Variants in OPN3 observed in about 807,000 individuals in gnomAD.
OPN3 encodes opsin-3.
OPN3 carries 29 observed loss-of-function variants against 33.8 expected under a neutral mutation model. That is an observed-to-expected ratio of 0.86 (90% CI 0.64 to 1.17). The LOEUF (loss-of-function observed/expected upper bound fraction) is 1.17, where lower values mean the gene tolerates loss of function less well. OPN3 is among the 50% of genes most tolerant of loss of function. The pLI, the probability that OPN3 is intolerant of heterozygous loss-of-function variation, is 0.00. For missense variants in OPN3, 437 were observed against 514.1 expected (o/e 0.85, Z 1.45); for synonymous variants, 216 against 216.1 (o/e 1.00, Z 0.00).
intron 1 of OPN3, chr1:241,615,807 A>G: frequency 2.2e-6 from 1 of 455,970 alleles, no homozygotes; most frequent in Non-Finnish European, 4.4e-6. Flanking sequence ...CTCTATGACT[A>G]TAGTTACAAA....
intron 1 of OPN3, among the ~76,000 whole-genome samples, chr1:241,615,308 A>T (rs913646536): frequency 1.3e-5 from 2 of 152,118 alleles, no homozygotes; most frequent in Admixed American, 1.3e-4. Context: ...AAAAGTGTGA[A>T]GTGTGGTACC....
At chr1:241,605,407 G>A (rs1009024667) in intron 1 of OPN3, among the ~76,000 whole-genome samples, 2 of 152,238 alleles carry the variant, frequency 1.3e-5, no homozygotes, top group Non-Finnish European at 2.9e-5. Context: ...AAGGATTGCT[G>A]ACAGGGGTCA....
chr1:241,619,663 A>T (rs1365210987), intron 1 of OPN3, among the ~76,000 whole-genome samples: 1 of 152,232 alleles, frequency 6.6e-6, no homozygotes, highest in Non-Finnish European at 1.5e-5. Context: ...CCCATCACGA[A>T]GTGAGAAGCT....
At chr1:241,632,545 C>T (rs1664682542) in intron 1 of OPN3, 1 of 152,076 alleles carries the variant, frequency 6.6e-6, no homozygotes, top group African/African-American at 2.4e-5. Flanking sequence ...CTTCTGACAG[C>T]TCCACAGGTT....
In OPN3 at chr1:241,633,931, A is replaced by G. The variant is rs1341038553; in HGVS notation, c.373+5951T>C. The G allele has an allele frequency of 3.1e-6, 5 of 1,613,622 alleles. No individual in the cohort carries two copies. In the Admixed American group the frequency reaches 8.3e-5, roughly 27 times the overall value. On this transcript the variant is annotated intron_variant, in intron 1 of 3. Transcript: ENST00000366554. ...CACCATCAAAGATAATGTCTTCTGG[A>G]TTTGGAGGTGGAGGGCAGAATTCTT...
chr1:241,635,850 T>A, intron 1 of OPN3: 1 of 1,359,914 alleles, frequency 7.4e-7, no homozygotes, highest in Non-Finnish European at 1.0e-6. Context: ...GTCCTTCTGA[T>A]GTTCCAGTTA....
At chr1:241,639,755 G>T in intron 1 of OPN3, 127 bp downstream of exon 1, 1 of 986,116 alleles carries the variant, frequency 1.0e-6, no homozygotes, top group Non-Finnish European at 1.4e-6. Flanking sequence ...GGCGGTGTAG[G>T]GCGGGGGGCG....
intron 1 of OPN3, among the ~76,000 whole-genome samples, chr1:241,613,751 T>C (rs1664054771): frequency 6.6e-6 from 1 of 152,198 alleles, no homozygotes; most frequent in South Asian, 2.1e-4. Context: ...CACATCAGGA[T>C]GTGGAAACTG....
intron 3 of OPN3, 177 bp from the exon 4 acceptor site, chr1:241,594,868 T>A: frequency 1.6e-6 from 1 of 635,578 alleles, no homozygotes; most frequent in Non-Finnish European, 2.7e-6. Context: ...GCTTTATGTC[T>A]TTTATTCATT....
intron 1 of OPN3, chr1:241,631,745 T>C (rs1434927429): frequency 1.3e-5 from 2 of 152,154 alleles, no homozygotes; most frequent in Admixed American, 6.5e-5. Context: ...CTCTAAAATA[T>C]GTTTGTTTAG....
chr1:241,631,397 T>C (rs1664627594), intron 1 of OPN3: 1 of 152,116 alleles, frequency 6.6e-6, no homozygotes, highest in African/African-American at 2.4e-5. Flanking sequence ...ATTTTATTTA[T>C]CATCTTATGT....
At chr1:241,618,406 C>T (rs1263456049) in intron 1 of OPN3, among the ~76,000 whole-genome samples, 1 of 152,184 alleles carries the variant, frequency 6.6e-6, no homozygotes, top group Non-Finnish European at 1.5e-5. Flanking sequence ...TCAAAGTTAC[C>T]ACTGATGATC....
In OPN3 at chr1:241,640,131, C is replaced by A; in HGVS notation, c.124G>T (p.Glu42Ter). The change falls in exon 1 of 4, where the codon GAG becomes TAG. Residue 42 changes from glutamate (E) to a stop codon, truncating the protein, a stop_gained. Transcript: ENST00000366554. LOFTEE classifies it high-confidence loss of function. ...PAPLFSPGTY[E>*]RLALLLGSIG... ...GAGCCCAGCAGCAGCGCCAGGCGCT[C>A]GTAGGTGCCGGGGCTGAAGAGGGGC... 6.3e-7 allele frequency: 1 copy of A among 1,591,124 alleles called. No homozygotes were observed.
chr1:241,601,613 G>A (rs1663679445), intron 2 of OPN3, among the ~76,000 whole-genome samples: 1 of 152,160 alleles, frequency 6.6e-6, no homozygotes, highest in Admixed American at 6.5e-5. Flanking sequence ...GGCTGAGGCA[G>A]GAGAATTGCT....
Position 241,604,484 on chromosome 1 carries a change from C to T in OPN3, c.469G>A (p.Ala157Thr), listed in dbSNP as rs1440068073. 5.6e-6 allele frequency: 9 copies of T among 1,614,134 alleles called. No homozygotes were observed. The highest frequency in any genetic ancestry group is 6.8e-6 in the Non-Finnish European group (8 of 1,180,040). The part of the protein sequence containing the change: ...RVINFSWAWR[A>T]ITYIWLYSLA... ...GAGTAGAGCCAGATGTAGGTAATGG[C>T]CCTCCAGGCCCAGGAAAAATTGATC... The change falls in exon 2 of 4, where the codon GCC (alanine) becomes ACC (threonine). Residue 157 changes from alanine to threonine, a missense_variant. Coordinates refer to ENST00000366554, the MANE Select transcript of OPN3 (RefSeq NM_014322.3).
intron 1 of OPN3, among the ~76,000 whole-genome samples, chr1:241,619,197 A>G (rs533481919): frequency 6.6e-6 from 1 of 152,274 alleles, no homozygotes; most frequent in East Asian, 1.9e-4. Flanking sequence ...CTTTGTCCCC[A>G]TCTGCTGCTC....
intron 1 of OPN3, among the ~76,000 whole-genome samples, chr1:241,614,938 C>T (rs1168717435): frequency 6.6e-6 from 1 of 152,168 alleles, no homozygotes; most frequent in African/African-American, 2.4e-5. Context: ...CAAACCATAA[C>T]CAAGGAAAAG....
rs114951112 is a variant in OPN3, at chr1:241,594,031, C to T, written c.*397G>A. On this transcript the variant is annotated 3_prime_UTR_variant, in exon 4 of 4. Coordinates refer to ENST00000366554, the MANE Select transcript of OPN3 (RefSeq NM_014322.3). ...AGAGTCCAACAGTACAAAAAAAATTCAGTATGTTCTAGCTACTTCACACAT... is the reference window on the plus strand; with the variant it reads ...AGAGTCCAACAGTACAAAAAAAATTTAGTATGTTCTAGCTACTTCACACAT... 431 of 175,918 alleles carry T rather than the reference C, an allele frequency of 2.5e-3. 2 individuals are homozygous for T. Among genetic ancestry groups the T allele is most frequent in the African/African-American group, 0.01 (420 of 41,918 alleles). 10.9% of individuals were successfully genotyped at this position (175,918 alleles called of 1,614,324 possible).
At chr1:241,608,563 C>A (rs1265845190) in intron 1 of OPN3, among the ~76,000 whole-genome samples, 1 of 152,166 alleles carries the variant, frequency 6.6e-6, no homozygotes, top group Middle Eastern at 3.2e-3. Context: ...AGGGACGCAG[C>A]TGCTATTGGC....
Sources: allele counts gnomAD v4.1 joint callset (sites outside exome capture counted in the v4.1 genomes callset), GRCh38; gene constraint gnomAD v4.1.1; transcripts MANE v1.5; gene names NCBI Gene and HGNC (gene_info 2026-07-23, HGNC 2026-07-21).